The following SEPTIN7 variants were observed in gnomAD, a reference collection of about 807,000 sequenced individuals.
The protein encoded by SEPTIN7 is septin 7.
In SEPTIN7, 10 loss-of-function variants were observed where a neutral mutation model predicts 63.3. The ratio of observed to expected loss-of-function variants is 0.16; its 90% confidence interval spans 0.10 to 0.27. The LOEUF is 0.27. Among genes scored for constraint, SEPTIN7 ranks in the 10% least tolerant of loss-of-function variants. The pLI is 1.00. For missense variants in SEPTIN7, 310 were observed against 521.0 expected, an observed-to-expected ratio of 0.59 and a Z score of 3.94; for synonymous variants, 131 against 165.3, an observed-to-expected ratio of 0.79 and a Z score of 1.59.
chr7:35,811,273 G>A (rs1403368166), intron 1 of SEPTIN7, among the ~76,000 whole-genome samples: 1 of 151,858 alleles, frequency 6.6e-6, no homozygotes, highest in African/African-American at 2.4e-5. Flanking sequence ...TGGGGTATGA[G>A]GCGATCTATA....
chr7:35,867,580 C>A (rs1397806177), intron 4 of SEPTIN7, among the ~76,000 whole-genome samples: 1 of 151,332 alleles, frequency 6.6e-6, no homozygotes. Context: ...GAACTCCTGA[C>A]CTCACGTGAT....
chr7:35,801,184 G>C lies in SEPTIN7; in HGVS notation c.-26G>C. 3 of 1,487,334 alleles carry C rather than the reference G, an allele frequency of 2.0e-6. No homozygotes were observed. Among genetic ancestry groups the C allele is most frequent in the Non-Finnish European group, 2.7e-6 (3 of 1,116,156 alleles). 92.1% of individuals were successfully genotyped at this position (1,487,334 alleles called of 1,614,324 possible). A position where few individuals can be genotyped will look rare whatever the true frequency, so the allele number is the denominator to read the frequency against. On this transcript the variant is annotated 5_prime_UTR_variant, in exon 1 of 14. Coordinates refer to ENST00000350320, the MANE Select transcript of SEPTIN7 (RefSeq NM_001788.6). ...AGAATCGGCGGGCTGCGCTCCGCTG[G>C]GGCTGGTCGCGGAGGGGGGGAGGGG...
intron 4 of SEPTIN7, among the ~76,000 whole-genome samples, chr7:35,866,626 C>T (rs10260073): frequency 8.9e-4 from 136 of 152,170 alleles, no homozygotes; most frequent in African/African-American, 3.2e-3. Flanking sequence ...CATTCACAGT[C>T]TTGGAAGGAA....
At chr7:35,886,022 A>G in intron 10 of SEPTIN7, 143 bp downstream of exon 10, 1 of 610,848 alleles carries the variant, frequency 1.6e-6, no homozygotes, top group Non-Finnish European at 2.8e-6. Flanking sequence ...CTACATATAG[A>G]TGATTCTTTC....
At chr7:35,808,520 A>G (rs1358010694) in intron 1 of SEPTIN7, among the ~76,000 whole-genome samples, 1 of 152,194 alleles carries the variant, frequency 6.6e-6, no homozygotes, top group African/African-American at 2.4e-5. Flanking sequence ...GTAATTTATA[A>G]GGAACAGAAA....
chr7:35,882,450 G>T, intron 7 of SEPTIN7, 34 bp from the exon 8 acceptor site: 1 of 1,400,558 alleles, frequency 7.1e-7, no homozygotes, highest in South Asian at 1.4e-5. Context: ...AATTATGTAT[G>T]GTGCTCTTTT....
At chr7:35,809,718 G>A (rs908873690) in intron 1 of SEPTIN7, among the ~76,000 whole-genome samples, 5 of 152,166 alleles carry the variant, frequency 3.3e-5, no homozygotes, top group Admixed American at 3.3e-4. Context: ...CAGGTTATGA[G>A]GTTAGAAGAG....
intron 11 of SEPTIN7, among the ~76,000 whole-genome samples, chr7:35,895,627 T>G (rs1383229295): frequency 6.6e-6 from 1 of 152,228 alleles, no homozygotes; most frequent in African/African-American, 2.4e-5. Context: ...AATTTTACTG[T>G]AAATTTTTTA....
chr7:35,842,401 G>A (rs1382750795), intron 3 of SEPTIN7, among the ~76,000 whole-genome samples: 5 of 151,622 alleles, frequency 3.3e-5, no homozygotes, highest in African/African-American at 1.2e-4. Flanking sequence ...TTATATCTAG[G>A]TCTTGGGGTT....
intron 1 of SEPTIN7, among the ~76,000 whole-genome samples, chr7:35,826,093 A>G (rs1482048203): frequency 6.6e-6 from 1 of 152,044 alleles, no homozygotes; most frequent in Non-Finnish European, 1.5e-5. Context: ...TCTAGAATCT[A>G]GGCATTTTTA....
chr7:35,845,375 CAAT>C (rs1784606678), intron 3 of SEPTIN7, among the ~76,000 whole-genome samples: 2 of 152,116 alleles, frequency 1.3e-5, no homozygotes, highest in African/African-American at 4.8e-5. Flanking sequence ...GGATGGTAGA[CAAT>C]GATATGCAGT....
intron 11 of SEPTIN7, among the ~76,000 whole-genome samples, chr7:35,892,893 A>G (rs1583639440): frequency 6.6e-6 from 1 of 152,180 alleles, no homozygotes; most frequent in African/African-American, 2.4e-5. Context: ...AGGAGCTAGC[A>G]TAATATTTTA....
At chr7:35,843,711 T>G (rs1784523311) in intron 3 of SEPTIN7, among the ~76,000 whole-genome samples, 2 of 152,130 alleles carry the variant, frequency 1.3e-5, no homozygotes, top group African/African-American at 4.8e-5. Context: ...TGCCTACAAG[T>G]GTTGCAGAGT....
chr7:35,845,694 G>T (rs1784624865), intron 3 of SEPTIN7, among the ~76,000 whole-genome samples: 1 of 152,110 alleles, frequency 6.6e-6, no homozygotes, highest in South Asian at 2.1e-4. Flanking sequence ...AGTCTGAAGG[G>T]TGCACTTGCT....
intron 9 of SEPTIN7, 48 bp downstream of exon 9, chr7:35,884,035 T>C (rs774854007): frequency 2.5e-6 from 3 of 1,209,050 alleles, no homozygotes; most frequent in East Asian, 2.3e-5. Flanking sequence ...TCAAAACTGA[T>C]TAAAAATTTG....
intron 11 of SEPTIN7, among the ~76,000 whole-genome samples, chr7:35,896,342 G>T (rs1440064693): frequency 3.9e-5 from 6 of 152,246 alleles, no homozygotes; most frequent in Admixed American, 3.9e-4. Context: ...AGTTACTTAA[G>T]GTTAGCAATC....
At chr7:35,882,367 C>A in intron 7 of SEPTIN7, 117 bp from the exon 8 acceptor site, 9 of 629,110 alleles carry the variant, frequency 1.4e-5, no homozygotes, top group South Asian at 6.1e-5. Flanking sequence ...CATTAAAAAA[C>A]AGTAAAGGAT....
intron 4 of SEPTIN7, among the ~76,000 whole-genome samples, chr7:35,867,480 C>T (rs1024753098): frequency 6.6e-6 from 1 of 152,046 alleles, no homozygotes; most frequent in African/African-American, 2.4e-5. Context: ...CTCCTGAGTA[C>T]CTGGGATTAT....
chr7:35,853,843 G>A (rs1785072913), intron 3 of SEPTIN7, among the ~76,000 whole-genome samples: 1 of 152,194 alleles, frequency 6.6e-6, no homozygotes, highest in Admixed American at 6.5e-5. Flanking sequence ...GGATAAATGA[G>A]AGTGGGTATT....
Sources: allele counts gnomAD v4.1 joint callset (sites outside exome capture counted in the v4.1 genomes callset), GRCh38; gene constraint gnomAD v4.1.1; transcripts MANE v1.5; gene names NCBI Gene and HGNC (gene_info 2026-07-23, HGNC 2026-07-21).